The following STAU2 variants were observed in gnomAD, a reference collection of about 807,000 sequenced individuals.
The protein encoded by STAU2 is double-stranded RNA-binding protein Staufen homolog 2.
In STAU2, 20 loss-of-function variants were observed where a neutral mutation model predicts 65.9. The ratio of observed to expected loss-of-function variants is 0.30; its 90% CI spans 0.21 to 0.44. The LOEUF (loss-of-function observed/expected upper bound fraction) is 0.44, where lower values mean the gene tolerates loss of function less well. Among genes scored for constraint, STAU2 ranks in the 20% least tolerant of loss-of-function variants. STAU2 has a pLI of 1.00. For synonymous variants in STAU2, 232 were observed against 233.9 expected, an observed-to-expected ratio of 0.99 and a Z score of 0.07; for missense variants, 558 against 683.9, an observed-to-expected ratio of 0.82 and a Z score of 2.05.
At chr8:73,456,694 T>C (rs1819091198) in intron 13 of STAU2, among the ~76,000 whole-genome samples, 1 of 152,212 alleles carries the variant, frequency 6.6e-6, no homozygotes, top group African/African-American at 2.4e-5. Flanking sequence ...ACCGTTCCTA[T>C]GTGGGTTACT....
chr8:73,686,893 CT>C (rs71768700), intron 5 of STAU2, among the ~76,000 whole-genome samples: 39,519 of 142,956 alleles, frequency 0.28, 5,738 homozygotes, highest in East Asian at 0.45. Context: ...GGGTTTCTTT[CT>C]TTTTTTTTTT....
At chr8:73,616,247 T>C (rs1263081188) in intron 7 of STAU2, among the ~76,000 whole-genome samples, 3 of 152,210 alleles carry the variant, frequency 2.0e-5, no homozygotes, top group Non-Finnish European at 2.9e-5. Context: ...TATTCACTTA[T>C]TTAACACATA....
chr8:73,533,612 T>C (rs73326783), intron 13 of STAU2, among the ~76,000 whole-genome samples: 48 of 152,220 alleles, frequency 3.2e-4, no homozygotes, highest in Admixed American at 1.1e-3. Context: ...ATTTAAGAAA[T>C]AGACAAGGCA....
At chr8:73,691,717 T>C (rs1305001489) in intron 4 of STAU2, among the ~76,000 whole-genome samples, 1 of 152,150 alleles carries the variant, frequency 6.6e-6, no homozygotes, top group Non-Finnish European at 1.5e-5. Context: ...AATATGTATT[T>C]GGTCTCCGGC....
intron 11 of STAU2, among the ~76,000 whole-genome samples, chr8:73,586,474 T>C (rs1190352529): frequency 1.3e-5 from 2 of 152,120 alleles, no homozygotes; most frequent in East Asian, 1.9e-4. Context: ...CCAGGCATAG[T>C]TGAGGGTGAA....
chr8:73,734,168 C>T (rs914848976), intron 3 of STAU2, among the ~76,000 whole-genome samples: 3 of 150,532 alleles, frequency 2.0e-5, no homozygotes, highest in Non-Finnish European at 4.4e-5. Flanking sequence ...AAAATGTTAC[C>T]AGTGATTATC....
chr8:73,460,279 T>A (rs774922600), intron 13 of STAU2, among the ~76,000 whole-genome samples: 1 of 152,200 alleles, frequency 6.6e-6, no homozygotes, highest in Non-Finnish European at 1.5e-5. Flanking sequence ...GGCATTGTTG[T>A]TGTTTTGACT....
chr8:73,481,516 C>CA (rs33917654), intron 13 of STAU2, among the ~76,000 whole-genome samples: 4,731 of 137,582 alleles, frequency 0.034, 141 homozygotes, highest in South Asian at 0.056. Flanking sequence ...AACAAAAAAA[C>CA]AAAAAAAAAA....
intron 4 of STAU2, among the ~76,000 whole-genome samples, chr8:73,691,628 T>C (rs1047173485): frequency 6.6e-6 from 1 of 152,110 alleles, no homozygotes; most frequent in African/African-American, 2.4e-5. Context: ...TACTAAGATA[T>C]ATACATGCAC....
intron 4 of STAU2, among the ~76,000 whole-genome samples, chr8:73,703,834 G>A (rs562797831): frequency 9.9e-5 from 15 of 152,000 alleles, no homozygotes; most frequent in Admixed American, 1.3e-4. Flanking sequence ...GACAAGGAAC[G>A]AAAAAATGTT....
At chr8:73,710,961 T>A (rs1293198222) in intron 3 of STAU2, among the ~76,000 whole-genome samples, 1 of 151,580 alleles carries the variant, frequency 6.6e-6, no homozygotes, top group African/African-American at 2.4e-5. Context: ...ACAGGCCCAA[T>A]AATTTGTACA....
intron 13 of STAU2, among the ~76,000 whole-genome samples, chr8:73,471,836 A>AAAAG (rs1554594418): frequency 6.9e-6 from 1 of 145,734 alleles, no homozygotes; most frequent in African/African-American, 2.7e-5. Context: ...AAAAAAAAAA[A>AAAAG]AGAGAGAAGA....
Position 73,518,590 on chromosome 8 carries a change from C to T in STAU2, c.1530+33422G>A, listed in dbSNP as rs189738084. On this transcript the variant is annotated intron_variant, in intron 13 of 14. Coordinates refer to ENST00000524300, the MANE Select transcript of STAU2 (RefSeq NM_001164380.2). Reference sequence around the variant, plus strand: ...TATAATTTTCACATGTCACGAAATACTATTTTTCTTGTGATATTTTTCAGC... The same window carrying T: ...TATAATTTTCACATGTCACGAAATATTATTTTTCTTGTGATATTTTTCAGC... Among the ~76,000 whole-genome samples the T allele has an allele frequency of 8.6e-4, 131 of 152,256 alleles. 1 individual carries two copies. Among genetic ancestry groups the T allele is most frequent in the Non-Finnish European group, 2.9e-4 (20 of 68,020 alleles).
intron 6 of STAU2, among the ~76,000 whole-genome samples, chr8:73,657,405 T>C (rs1816463968): frequency 6.6e-6 from 1 of 152,024 alleles, no homozygotes; most frequent in Non-Finnish European, 1.5e-5. Flanking sequence ...AATTTGTACA[T>C]GAAAGGGAAA....
chr8:73,492,590 G>A (rs1385402122), intron 13 of STAU2, among the ~76,000 whole-genome samples: 1 of 151,656 alleles, frequency 6.6e-6, no homozygotes, highest in Non-Finnish European at 1.5e-5. Context: ...AAACCTCTTA[G>A]GACCCAATTC....
chr8:73,520,032 T>C (rs910307193), intron 13 of STAU2, among the ~76,000 whole-genome samples: 2 of 152,144 alleles, frequency 1.3e-5, no homozygotes, highest in African/African-American at 4.8e-5. Flanking sequence ...AATTACCCTA[T>C]GAGCAATGAG....
chr8:73,509,795 G>A (rs1461132286), intron 13 of STAU2, among the ~76,000 whole-genome samples: 1 of 152,064 alleles, frequency 6.6e-6, no homozygotes, highest in Non-Finnish European at 1.5e-5. Context: ...AGAACAGTAA[G>A]ATGAGAGATT....
intron 13 of STAU2, among the ~76,000 whole-genome samples, chr8:73,486,507 G>A (rs1427783788): frequency 2.0e-5 from 3 of 151,372 alleles, no homozygotes; most frequent in African/African-American, 7.3e-5. Flanking sequence ...GACTGGTTTT[G>A]CATATTATCA....
intron 3 of STAU2, 78 bp downstream of exon 3, chr8:73,738,206 A>C (rs1806580626): frequency 7.7e-6 from 10 of 1,307,082 alleles, no homozygotes; most frequent in South Asian, 1.2e-5. Flanking sequence ...TATAGAAAAG[A>C]AAAGCTGAGT....
Sources: gnomAD v4.1 joint callset for allele counts (sites outside exome capture counted in the v4.1 genomes callset) on GRCh38, gnomAD v4.1.1 for gene constraint, MANE v1.5 for transcripts, NCBI Gene and HGNC (gene_info 2026-07-23, HGNC 2026-07-21) for gene names.